DLGAP2: variants seen among roughly 807,000 people sequenced by gnomAD.
DLGAP2 encodes DLG associated protein 2.
A neutral mutation model predicts 100.3 loss-of-function variants in DLGAP2; 26 were observed. That is an observed-to-expected ratio of 0.26 (90% CI 0.19 to 0.36). The LOEUF (loss-of-function observed/expected upper bound fraction) is 0.36. Among genes scored for constraint, DLGAP2 ranks in the 10% least tolerant of loss-of-function variants. The probability of loss-of-function intolerance (pLI) is 1.00; values close to 1 mark genes in which losing one functional copy is unlikely to be tolerated. For synonymous variants in DLGAP2, 886 were observed against 630.1 expected (o/e 1.41, Z -6.08); for missense variants, 1,858 against 1,453.2 (o/e 1.28, Z -4.53).
intron 1 of DLGAP2, among the ~76,000 whole-genome samples, chr8:838,381 T>A (rs1168391730): frequency 6.6e-6 from 1 of 151,908 alleles, no homozygotes; most frequent in Non-Finnish European, 1.5e-5. Context: ...GGTCTTGGCA[T>A]CAGTATTTTA....
rs567393382 is a variant in DLGAP2, at chr8:1,660,257, C to G, written c.1811-8072C>G. Reference sequence around the variant, plus strand: ...CCTTTGTGTGTAACCTGACCTTTCTCTCTGGCTGGAGGGCTGCTTTTCATT... The same window carrying G: ...CCTTTGTGTGTAACCTGACCTTTCTGTCTGGCTGGAGGGCTGCTTTTCATT... On this transcript the variant is annotated intron_variant, in intron 8 of 14. Coordinates refer to ENST00000637795, the MANE Select transcript of DLGAP2 (RefSeq NM_001346810.2). Among the ~76,000 whole-genome samples, 10 of 152,280 alleles carry G rather than the reference C, an allele frequency of 6.6e-5. 1 individual carries two copies. In the South Asian group the frequency reaches 8.3e-4, roughly 13 times the overall value.
intron 2 of DLGAP2, among the ~76,000 whole-genome samples, chr8:1,117,821 C>T (rs1413438091): frequency 2.6e-5 from 4 of 152,130 alleles, no homozygotes; most frequent in Non-Finnish European, 5.9e-5. Context: ...GGCTCAGAGC[C>T]TCCCCCTTTC....
At chr8:1,185,065 C>T (rs1051589320) in intron 2 of DLGAP2, among the ~76,000 whole-genome samples, 1 of 152,034 alleles carries the variant, frequency 6.6e-6, no homozygotes, top group African/African-American at 2.4e-5. Flanking sequence ...CAGGAAAGGT[C>T]GGGCGAGGGT....
At chr8:1,210,467 G>A (rs574604002) in intron 2 of DLGAP2, among the ~76,000 whole-genome samples, 3 of 152,330 alleles carry the variant, frequency 2.0e-5, no homozygotes, top group African/African-American at 7.2e-5. Context: ...TGTGTGGGGG[G>A]AAGGAGAGGG....
intron 13 of DLGAP2, among the ~76,000 whole-genome samples, chr8:1,694,065 C>G (rs1204995368): frequency 6.6e-6 from 1 of 152,240 alleles, no homozygotes; most frequent in Admixed American, 6.5e-5. Flanking sequence ...TTCCTTTCTG[C>G]TCTGCCAGAA....
chr8:1,174,748 A>G lies in DLGAP2; in HGVS notation c.74-84103A>G, dbSNP rs548453525. 4.6e-5 allele frequency among the ~76,000 whole-genome samples: 7 copies of G among 152,236 alleles called. No homozygotes were observed. In the East Asian group the frequency reaches 9.7e-4, roughly 21 times the overall value. ...CATTACCATGACCAAAATCATTATC[A>G]TCATTACTATCACTATCATCATTGT... On this transcript the variant is annotated intron_variant, in intron 2 of 14. Coordinates refer to ENST00000637795, the MANE Select transcript of DLGAP2 (RefSeq NM_001346810.2).
At chr8:1,363,036 T>G (rs1456154844) in intron 3 of DLGAP2, among the ~76,000 whole-genome samples, 1 of 152,164 alleles carries the variant, frequency 6.6e-6, no homozygotes, top group Admixed American at 6.5e-5. Context: ...AGCCACCAGA[T>G]CCTCTAAGCT....
At chr8:1,605,466 C>G (rs1241860871) in intron 6 of DLGAP2, among the ~76,000 whole-genome samples, 1 of 152,206 alleles carries the variant, frequency 6.6e-6, no homozygotes, top group African/African-American at 2.4e-5. Context: ...ACAAGAGTCT[C>G]TGGTGAATGC....
intron 3 of DLGAP2, among the ~76,000 whole-genome samples, chr8:1,437,355 C>T (rs941768459): frequency 6.6e-6 from 1 of 152,240 alleles, no homozygotes; most frequent in African/African-American, 2.4e-5. Flanking sequence ...ACGAGGCCAC[C>T]TTACGTTTCT....
chr8:1,414,942 G>A (rs112124919), intron 3 of DLGAP2, among the ~76,000 whole-genome samples: 1 of 152,212 alleles, frequency 6.6e-6, no homozygotes, highest in Admixed American at 6.5e-5. Flanking sequence ...CTGGGAGGTG[G>A]AGGTTTCAGT....
At chr8:944,238 C>G (rs1194304491) in intron 2 of DLGAP2, among the ~76,000 whole-genome samples, 1 of 152,062 alleles carries the variant, frequency 6.6e-6, no homozygotes, top group Non-Finnish European at 1.5e-5. Context: ...TGTGGGTGAT[C>G]CAGTGGGTGG....
chr8:844,773 A>G (rs1797043709), intron 1 of DLGAP2, among the ~76,000 whole-genome samples: 1 of 152,314 alleles, frequency 6.6e-6, no homozygotes, highest in Middle Eastern at 3.4e-3. Flanking sequence ...TAAAGTACAC[A>G]ATTCAATGGC....
chr8:1,300,911 A>C (rs893088103), intron 3 of DLGAP2: 1 of 152,180 alleles, frequency 6.6e-6, no homozygotes, highest in Non-Finnish European at 1.5e-5. Flanking sequence ...GATAAACCCT[A>C]CAGCCTGCTG....
chr8:927,588 C>A (rs1308588942), intron 2 of DLGAP2, among the ~76,000 whole-genome samples: 1 of 152,102 alleles, frequency 6.6e-6, no homozygotes. Context: ...CAGACATAAT[C>A]GTAACAATTC....
chr8:1,285,304 A>T (rs1009169348), intron 3 of DLGAP2, among the ~76,000 whole-genome samples: 2 of 152,254 alleles, frequency 1.3e-5, no homozygotes, highest in African/African-American at 4.8e-5. Flanking sequence ...GTTAAAAAAT[A>T]AAACAGTGCA....
intron 3 of DLGAP2, among the ~76,000 whole-genome samples, chr8:1,317,893 TC>T: frequency 7.4e-6 from 1 of 135,820 alleles, no homozygotes; most frequent in African/African-American, 2.9e-5. Flanking sequence ...GAGTGCAGCG[TC>T]TCTCCAACAG....
At chr8:1,271,410 T>G (rs1799580662) in intron 3 of DLGAP2, among the ~76,000 whole-genome samples, 1 of 152,224 alleles carries the variant, frequency 6.6e-6, no homozygotes, top group Non-Finnish European at 1.5e-5. Flanking sequence ...ACTTTTATTC[T>G]GGAGACTTGA....
chr8:1,527,397 T>C (rs963389174), intron 4 of DLGAP2, among the ~76,000 whole-genome samples: 1 of 152,196 alleles, frequency 6.6e-6, no homozygotes, highest in South Asian at 2.1e-4. Flanking sequence ...CTCCCGCTTC[T>C]CACGTGCAGG....
intron 5 of DLGAP2, among the ~76,000 whole-genome samples, 171 bp downstream of exon 5, chr8:1,549,854 A>G (rs1801699939): frequency 6.6e-6 from 1 of 152,238 alleles, no homozygotes; most frequent in South Asian, 2.1e-4. Flanking sequence ...TAACACACGC[A>G]TTACCTTACA....
Sources: allele counts gnomAD v4.1 joint callset (sites outside exome capture counted in the v4.1 genomes callset), GRCh38; gene constraint gnomAD v4.1.1; transcripts MANE v1.5; gene names NCBI Gene and HGNC (gene_info 2026-07-23, HGNC 2026-07-21).